The following ARHGAP35 variants were observed in gnomAD, a reference collection of about 807,000 sequenced individuals.
The protein encoded by ARHGAP35 is rho GTPase-activating protein 35.
In ARHGAP35, 15 loss-of-function variants were observed where a neutral mutation model predicts 111.1. The observed-to-expected ratio is 0.13, with a 90% CI of 0.09 to 0.21. ARHGAP35 has a LOEUF of 0.21. Among genes scored for constraint, ARHGAP35 ranks in the 10% least tolerant of loss-of-function variants. The pLI, the probability that ARHGAP35 is intolerant of heterozygous loss-of-function variation, is 1.00. For synonymous variants in ARHGAP35, 643 were observed against 710.3 expected (o/e 0.91, Z 1.51); for missense variants, 1,262 against 1,873.0 (o/e 0.67, Z 6.02).
intron 1 of ARHGAP35, among the ~76,000 whole-genome samples, chr19:46,861,875 T>A (rs933134988): frequency 1.3e-5 from 2 of 151,784 alleles, no homozygotes; most frequent in Non-Finnish European, 2.9e-5. Context: ...CTGCCCCAGG[T>A]CTTCCCCTTG....
At chr19:46,891,175 C>G (rs764332754) in intron 1 of ARHGAP35, among the ~76,000 whole-genome samples, 1 of 152,090 alleles carries the variant, frequency 6.6e-6, no homozygotes, top group African/African-American at 2.4e-5. Context: ...AACTATCACC[C>G]GCCCTCCAGG....
chr19:46,927,636 A>G (rs1484422454), intron 2 of ARHGAP35, among the ~76,000 whole-genome samples: 1 of 152,172 alleles, frequency 6.6e-6, no homozygotes, highest in Non-Finnish European at 1.5e-5. Context: ...TTGTGCATTT[A>G]TTGAATACTT....
intron 5 of ARHGAP35, among the ~76,000 whole-genome samples, chr19:46,995,142 T>C (rs2056700564): frequency 6.6e-6 from 1 of 152,038 alleles, no homozygotes; most frequent in South Asian, 2.1e-4. Context: ...TGTGACTGGG[T>C]ACAGTGGCTC....
chr19:46,972,299 C>G (rs944946090), intron 3 of ARHGAP35, among the ~76,000 whole-genome samples: 1 of 152,138 alleles, frequency 6.6e-6, no homozygotes, highest in South Asian at 2.1e-4. Context: ...CGTGAGCCAC[C>G]GCTCCCGGCC....
chr19:46,946,455 G>A (rs2056380041), intron 3 of ARHGAP35: 1 of 152,208 alleles, frequency 6.6e-6, no homozygotes, highest in East Asian at 1.9e-4. Flanking sequence ...AAATCCGGTG[G>A]CAGAACCCAG....
chr19:46,898,406 A>G (rs955375119), intron 1 of ARHGAP35, among the ~76,000 whole-genome samples: 1 of 152,246 alleles, frequency 6.6e-6, no homozygotes, highest in Admixed American at 6.5e-5. Flanking sequence ...ACAGCCAACT[A>G]GCATCTTCAT....
intron 3 of ARHGAP35, among the ~76,000 whole-genome samples, chr19:46,967,308 A>G (rs760674255): frequency 3.3e-5 from 5 of 152,126 alleles, no homozygotes; most frequent in Non-Finnish European, 7.4e-5. Context: ...GTAGGGTTTG[A>G]AGGTTTTCAT....
At chr19:46,966,992 A>G (rs2056518667) in intron 3 of ARHGAP35, among the ~76,000 whole-genome samples, 1 of 152,214 alleles carries the variant, frequency 6.6e-6, no homozygotes, top group Non-Finnish European at 1.5e-5. Context: ...AGGTGTGGAA[A>G]GTCAACTGAA....
rs569601047 is a variant in ARHGAP35, at chr19:46,926,629, T to TA, written c.3681+4284dup. Among the ~76,000 whole-genome samples, 4,412 of 144,212 alleles carry TA rather than the reference T, an allele frequency of 0.031. 212 individuals carry two copies. Among genetic ancestry groups the TA allele is most frequent in the African/African-American group, 0.1 (3,996 of 39,520 alleles). The allele number at this position is 144,212 out of a possible 152,430, so 94.6% of individuals were successfully genotyped here. A position where few individuals can be genotyped will look rare whatever the true frequency, so the allele number is the denominator to read the frequency against. On this transcript the variant is annotated intron_variant, in intron 2 of 6. Coordinates refer to ENST00000672722, the MANE Select transcript of ARHGAP35 (RefSeq NM_004491.5). This position sits in a 1 kb window ranked among gnomAD's most constrained non-coding sequence, Gnocchi z 4.1. The stretch of plus-strand genomic sequence containing the variant: ...ATCTGATGTGTTCTTATTTTGGTGC[T>TA]AAAAAAAAAAAGACAAAACAGAATG...
rs1192912029 is a variant in ARHGAP35 at position 46,921,467 on chromosome 19, T to C, written c.2792T>C (p.Leu931Pro). 6.2e-7 allele frequency: 1 copy of C among 1,613,724 alleles called. No individual in the cohort carries two copies. The highest frequency in any genetic ancestry group is 1.3e-5 in the African/African-American group (1 of 74,880). ...SIPCSQPQHK[L>P]EIFHPFFKDV... Reference sequence around the variant, plus strand: ...CCCTGTAGCCAACCCCAGCATAAACTTGAGATCTTTCACCCATTTTTTAAA... The same window carrying C: ...CCCTGTAGCCAACCCCAGCATAAACCTGAGATCTTTCACCCATTTTTTAAA... Residue 931 changes from leucine to proline, a missense_variant, in exon 2 of 7, where the codon CTT (leucine) becomes CCT (proline). Coordinates refer to ENST00000672722, the MANE Select transcript of ARHGAP35 (RefSeq NM_004491.5). The surrounding 1 kb of genome is among the most constrained non-coding windows in gnomAD (Gnocchi z 4.3).
chr19:46,972,472 A>G (rs1406627061), intron 3 of ARHGAP35, among the ~76,000 whole-genome samples: 1 of 152,212 alleles, frequency 6.6e-6, no homozygotes, highest in Non-Finnish European at 1.5e-5. Context: ...AGATTGCTTA[A>G]TCTAACTGGG....
intron 1 of ARHGAP35, among the ~76,000 whole-genome samples, chr19:46,912,921 G>A (rs369860205): frequency 6.6e-6 from 1 of 151,944 alleles, no homozygotes; most frequent in East Asian, 1.9e-4. Flanking sequence ...AGGTTTTAAG[G>A]AGGTTTGAAG....
rs764320787 is a variant in ARHGAP35, at chr19:46,919,464, C to G, written c.789C>G (p.Leu263=). The change falls in exon 2 of 7, where the codon CTC becomes CTG. Residue 263 remains leucine (L), a synonymous_variant. Transcript: ENST00000672722. The surrounding 1 kb of genome is among the most constrained non-coding windows in gnomAD (Gnocchi z 6.2). ...KTKIIPYFEA[L]KQQSQQIATA... is the part of the protein sequence containing the mutation. ...AAATCATTCCTTATTTTGAAGCTCT[C>G]AAGCAGCAGAGTCAGCAGATAGCTA... 1 of 1,613,950 alleles carries G rather than the reference C, an allele frequency of 6.2e-7. No individual in the cohort carries two copies. Among genetic ancestry groups the G allele is most frequent in the Non-Finnish European group, 8.5e-7 (1 of 1,179,894 alleles).
intron 1 of ARHGAP35, among the ~76,000 whole-genome samples, chr19:46,899,530 CA>C (rs112242985): frequency 6.6e-6 from 1 of 151,246 alleles, no homozygotes; most frequent in Non-Finnish European, 1.5e-5. Context: ...CTTGTCTCTA[CA>C]AAAAAAATAC....
At chr19:46,925,671 T>C (rs2056233992) in intron 2 of ARHGAP35, among the ~76,000 whole-genome samples, 1 of 152,162 alleles carries the variant, frequency 6.6e-6, no homozygotes. Context: ...TTAGTTATGT[T>C]AGAGTAGGTT....
intron 1 of ARHGAP35, among the ~76,000 whole-genome samples, chr19:46,885,578 G>A (rs1393179243): frequency 6.6e-6 from 1 of 152,094 alleles, no homozygotes; most frequent in African/African-American, 2.4e-5. Flanking sequence ...GTTAATGCCG[G>A]TGATTTCATA....
At chr19:46,961,904 T>G (rs1485401463) in intron 3 of ARHGAP35, among the ~76,000 whole-genome samples, 1 of 151,734 alleles carries the variant, frequency 6.6e-6, no homozygotes, top group Non-Finnish European at 1.5e-5. Context: ...CCCTCCAGCC[T>G]GTGTGACAGA....
Position 46,863,145 on chromosome 19 carries a change from G to A in ARHGAP35, c.-189+1936G>A, listed in dbSNP as rs1433900735. Among the ~76,000 whole-genome samples the A allele has an allele frequency of 5.3e-5, 8 of 149,840 alleles. No homozygotes were observed. In the East Asian group the frequency reaches 1.4e-3, roughly 26 times the overall value. On this transcript the variant is annotated intron_variant, in intron 1 of 6. Coordinates refer to ENST00000672722, the MANE Select transcript of ARHGAP35 (RefSeq NM_004491.5). ...ACCTGCTCCTCGCAGCTCACCACCC[G>A]TGGCCCACCCATTCCCCATTGAGCA...
chr19:46,930,204 A>T (rs1364203542), intron 2 of ARHGAP35, among the ~76,000 whole-genome samples: 1 of 152,040 alleles, frequency 6.6e-6, no homozygotes, highest in Non-Finnish European at 1.5e-5. Context: ...CCGTCTCTAC[A>T]AAATATTATC....
Sources: gnomAD v4.1 joint callset for allele counts (sites outside exome capture counted in the v4.1 genomes callset) on GRCh38, gnomAD v4.1.1 for gene constraint, Gnocchi (gnomAD v3.1) non-coding constraint, MANE v1.5 for transcripts, NCBI Gene and HGNC (gene_info 2026-07-23, HGNC 2026-07-21) for gene names.